Variants in CACNA1C observed in about 807,000 individuals in gnomAD.
The protein encoded by CACNA1C is voltage-dependent L-type calcium channel subunit alpha-1C.
CACNA1C carries 30 observed loss-of-function variants against 229.0 expected under a neutral mutation model. That is an observed-to-expected ratio of 0.13 (90% CI 0.10 to 0.18). The LOEUF is 0.18. Ranked by LOEUF, CACNA1C falls within the 10% of genes least tolerant of loss-of-function variation. The pLI, the probability that CACNA1C is intolerant of heterozygous loss-of-function variation, is 1.00. For missense variants in CACNA1C, 1,658 were observed against 2,845.0 expected (o/e 0.58, Z 9.49); for synonymous variants, 1,114 against 1,132.5 (o/e 0.98, Z 0.33).
rs1211318526 is a variant in CACNA1C at position 1,987,107 on chromosome 12, A to G, written c.139+15906A>G. Among the ~76,000 whole-genome samples, 3 of 152,238 alleles carry G rather than the reference A, an allele frequency of 2.0e-5. No individual in the cohort carries two copies. The South Asian group carries it at 6.2e-4, about 31-fold the overall frequency. On this transcript the variant is annotated intron_variant, in intron 1 of 46. Transcript: ENST00000682462. ...CTATTACCACGCATGCTTAAAAAAA[A>G]GAACTTACAGGAACTCCCAGCTTTA...
At chr12:2,643,354 T>G (rs10848678) in intron 30 of CACNA1C, among the ~76,000 whole-genome samples, 103,620 of 151,582 alleles carry the variant, frequency 0.68, 37,525 homozygotes, top group East Asian at 0.79. Flanking sequence ...TCTGCTCAGT[T>G]CTTCTCCTCC....
intron 3 of CACNA1C, among the ~76,000 whole-genome samples, chr12:2,153,589 G>A (rs1251456036): frequency 2.0e-5 from 3 of 152,180 alleles, no homozygotes; most frequent in African/African-American, 7.2e-5. Context: ...TGTGACTGGA[G>A]CTAGTTTTGG....
At chr12:2,150,353 C>A (rs77574474) in intron 3 of CACNA1C, among the ~76,000 whole-genome samples, 1,738 of 152,326 alleles carry the variant, frequency 0.011, 12 homozygotes, top group Middle Eastern at 0.037. Context: ...GAGTGAATGT[C>A]ACCTCCATTC....
chr12:2,137,893 G>A (rs6489350), intron 3 of CACNA1C, among the ~76,000 whole-genome samples: 5,844 of 151,490 alleles, frequency 0.039, 384 homozygotes, highest in African/African-American at 0.12. Context: ...CGCCAGGCCA[G>A]TGGACCCTGT....
chr12:2,334,300 C>T (rs2096630445), intron 3 of CACNA1C, among the ~76,000 whole-genome samples: 1 of 152,176 alleles, frequency 6.6e-6, no homozygotes, highest in African/African-American at 2.4e-5. Context: ...CCAGCATATG[C>T]CAGTCACTCT....
intron 43 of CACNA1C, among the ~76,000 whole-genome samples, chr12:2,683,784 C>T (rs2097298371): frequency 6.6e-6 from 1 of 152,320 alleles, no homozygotes; most frequent in East Asian, 1.9e-4. Flanking sequence ...GGGGCTGTGC[C>T]ACCTGCTGGG....
chr12:2,195,153 C>G (rs2097362546), intron 3 of CACNA1C, among the ~76,000 whole-genome samples: 1 of 152,212 alleles, frequency 6.6e-6, no homozygotes, highest in African/African-American at 2.4e-5. Context: ...TGCCTGGCAC[C>G]TTGCTAAGTG....
chr12:2,163,459 G>C (rs1162435133), intron 3 of CACNA1C, among the ~76,000 whole-genome samples: 1 of 151,888 alleles, frequency 6.6e-6, no homozygotes, highest in East Asian at 1.9e-4. Flanking sequence ...TCTGTCATCT[G>C]TGATGCTTCT....
Position 2,504,851 on chromosome 12 carries a change from G to A in CACNA1C, c.1123G>A (p.Ala375Thr). 1 of 1,575,954 alleles carries A rather than the reference G, an allele frequency of 6.3e-7. No individual in the cohort carries two copies. Among genetic ancestry groups the A allele is most frequent in the Non-Finnish European group, 8.7e-7 (1 of 1,145,458 alleles). ...WTDVLYWVNDAVGRDWPWIYF... is the reference protein window; with the variant it reads ...WTDVLYWVNDTVGRDWPWIYF... ...CATTCCGTTCTTCCAGGTCAATGAT[G>A]CCGTAGGAAGGGACTGGCCCTGGAT... is the stretch of plus-strand genomic sequence containing the variant. Residue 375 changes from alanine to threonine, a missense_variant, in exon 8 of 47, where the codon GCC (alanine) becomes ACC (threonine). Physicochemically the swap from Ala to Thr is moderately conservative, Grantham distance 58. Coordinates refer to ENST00000399655, the MANE Select transcript of CACNA1C (RefSeq NM_000719.7). The surrounding 1 kb of genome is among the most constrained non-coding windows in gnomAD (Gnocchi z 6.8).
Position 2,504,784 on chromosome 12 carries a change from G to A in CACNA1C, c.1114-58G>A. Reference sequence around the variant, plus strand: ...TCAGTGTCTCGGGAGCCGGGGACCGGCACTGGCCGTGCTCGGTTGCTGAGT... The same window carrying A: ...TCAGTGTCTCGGGAGCCGGGGACCGACACTGGCCGTGCTCGGTTGCTGAGT... On this transcript the variant is annotated intron_variant, in intron 7 of 46. Transcript: ENST00000399655. The surrounding 1 kb of genome is among the most constrained non-coding windows in gnomAD (Gnocchi z 6.8). 2 of 1,061,630 alleles carry A rather than the reference G, an allele frequency of 1.9e-6. No homozygotes were observed. Among genetic ancestry groups the A allele is most frequent in the Non-Finnish European group, 2.9e-6 (2 of 684,000 alleles). 65.8% of individuals were successfully genotyped at this position (1,061,630 alleles called of 1,614,324 possible).
intron 8 of CACNA1C, among the ~76,000 whole-genome samples, chr12:2,511,333 T>C (rs1265589632): frequency 6.6e-6 from 1 of 152,180 alleles, no homozygotes; most frequent in African/African-American, 2.4e-5. Flanking sequence ...ATGCAAGCAC[T>C]AGGCAGTGCA....
chr12:2,211,779 C>T (rs2097923974), intron 3 of CACNA1C, among the ~76,000 whole-genome samples: 1 of 145,160 alleles, frequency 6.9e-6, no homozygotes, highest in Admixed American at 7.0e-5. Flanking sequence ...AGTGCAATGG[C>T]ATGGTCTCGG....
chr12:2,166,793 T>C (rs772448079), intron 3 of CACNA1C, among the ~76,000 whole-genome samples: 4 of 152,196 alleles, frequency 2.6e-5, no homozygotes, highest in Non-Finnish European at 5.9e-5. Context: ...TTGGAACTGA[T>C]GCTAAGAAGG....
Position 2,651,897 on chromosome 12 carries a change from C to G in CACNA1C, c.4074+129C>G. 1 of 727,710 alleles carries G rather than the reference C, an allele frequency of 1.4e-6. No individual in the cohort carries two copies. Among genetic ancestry groups the G allele is most frequent in the Non-Finnish European group, 2.2e-6 (1 of 459,886 alleles). 45.1% of individuals were successfully genotyped at this position (727,710 alleles called of 1,614,324 possible). A position where few individuals can be genotyped will look rare whatever the true frequency, so the allele number is the denominator to read the frequency against. Reference sequence around the variant, plus strand: ...CTTCCTCTGTGTGGCAGAACTCGGCCGCTCTGCCTGGCTCCCTGTTTCCGC... The same window carrying G: ...CTTCCTCTGTGTGGCAGAACTCGGCGGCTCTGCCTGGCTCCCTGTTTCCGC... On this transcript the variant is annotated intron_variant, in intron 32 of 46. Coordinates refer to ENST00000399655, the MANE Select transcript of CACNA1C (RefSeq NM_000719.7). This position sits in a 1 kb window ranked among gnomAD's most constrained non-coding sequence, Gnocchi z 5.4.
intron 3 of CACNA1C, among the ~76,000 whole-genome samples, chr12:2,268,560 TG>T (rs2083372868): frequency 6.6e-6 from 1 of 151,816 alleles, no homozygotes; most frequent in Non-Finnish European, 1.5e-5. Flanking sequence ...CGCCCCATGG[TG>T]GGATGGCCAA....
rs1025251683 is a variant in CACNA1C, at chr12:2,696,526, C to T, written c.*5327C>T. On this transcript the variant is annotated 3_prime_UTR_variant, in exon 47 of 47. Transcript: ENST00000399655. ...TCCCAGAAAGGGCACTGTGCCACTT[C>T]CCCTGGTGTGAATCAGACATACATT... 2.6e-5 allele frequency: 4 copies of T among 151,818 alleles called. No homozygotes were observed. The highest frequency in any genetic ancestry group is 9.7e-5 in the African/African-American group (4 of 41,242). The allele number at this position is 151,818 out of a possible 1,614,324, so 9.4% of individuals were successfully genotyped here.
rs1042663700 is a variant in CACNA1C at position 2,287,483 on chromosome 12, G to C, written c.478-161493G>C. Among the ~76,000 whole-genome samples, 72 of 152,320 alleles carry C rather than the reference G, an allele frequency of 4.7e-4. No homozygotes were observed. Among genetic ancestry groups the C allele is most frequent in the African/African-American group, 1.6e-3 (66 of 41,554 alleles). On this transcript the variant is annotated intron_variant, in intron 3 of 46. Transcript: ENST00000399655. This position sits in a 1 kb window ranked among gnomAD's most constrained non-coding sequence, Gnocchi z 4.6. ...GATCAGGGCCCGAAGAGCAGTTTCA[G>C]CCTGCGTGGTCTTGATGTGGTCTTG...
At chr12:2,272,052 C>T (rs1037141104) in intron 3 of CACNA1C, among the ~76,000 whole-genome samples, 3 of 152,198 alleles carry the variant, frequency 2.0e-5, no homozygotes, top group Admixed American at 2.0e-4. Flanking sequence ...AGGCCACCAA[C>T]GGGACTAGTA....
At chr12:2,572,354 C>T (rs2055308597) in intron 13 of CACNA1C, among the ~76,000 whole-genome samples, 4 of 119,894 alleles carry the variant, frequency 3.3e-5, no homozygotes, top group East Asian at 2.7e-4. Context: ...CCTCCTCCTC[C>T]TCTCCTCCTC....
Sources: gnomAD v4.1 joint callset for allele counts (sites outside exome capture counted in the v4.1 genomes callset) on GRCh38, gnomAD v4.1.1 for gene constraint, Gnocchi (gnomAD v3.1) non-coding constraint, MANE v1.5 for transcripts, NCBI Gene and HGNC (gene_info 2026-07-23, HGNC 2026-07-21) for gene names.